The following CDK12 variants were observed in gnomAD, a reference collection of about 807,000 sequenced individuals.
CDK12 encodes the protein cyclin dependent kinase 12, also known as cyclin-dependent kinase 12.
Under a neutral mutation model 133.8 loss-of-function variants are expected in CDK12, and 17 were observed. The observed-to-expected ratio is 0.13, with a 90% CI of 0.09 to 0.19. The LOEUF (loss-of-function observed/expected upper bound fraction) is 0.19, where lower values mean the gene tolerates loss of function less well. Ranked by LOEUF, CDK12 falls within the 10% of genes least tolerant of loss-of-function variation. The pLI is 1.00. For synonymous variants in CDK12, 694 were observed against 683.6 expected, an observed-to-expected ratio of 1.02 and a Z score of -0.24; for missense variants, 1,508 against 1,818.7, an observed-to-expected ratio of 0.83 and a Z score of 3.11.
At position 39,462,680 on chromosome 17, in the gene CDK12, A is replaced by G. The variant is rs764139189; in HGVS notation, c.609A>G (p.Lys203=). Residue 203 remains lysine, a synonymous_variant, in exon 1 of 14, where the codon AAA becomes AAG. Transcript: ENST00000447079. ...GHKDRSKSHR[K]RETPKSYKTV... The stretch of plus-strand genomic sequence containing the variant: ...AAGACCGGAGTAAAAGTCATCGAAA[A>G]AGGGAAACACCCAAAAGTTACAAAA... 8.7e-6 allele frequency: 14 copies of G among 1,614,192 alleles called. No homozygotes were observed. In the South Asian group the frequency reaches 1.5e-4, roughly 18 times the overall value.
intron 3 of CDK12, among the ~76,000 whole-genome samples, chr17:39,562,883 TTTTTTTTC>T (rs1185382484): frequency 1.1e-4 from 7 of 64,182 alleles, no homozygotes; most frequent in Non-Finnish European, 2.9e-4. Flanking sequence ...CTCTTCTCCT[TTTTTTTTC>T]TTTTTCTTTT....
At chr17:39,495,794 CAAAA>C (rs372235295) in intron 5 of CDK12, among the ~76,000 whole-genome samples, 3 of 74,580 alleles carry the variant, frequency 4.0e-5, no homozygotes, top group Admixed American at 1.5e-4. Flanking sequence ...GACTCCGCCT[CAAAA>C]AAAAAAAAAA....
chr17:39,471,907 C>T (rs2145217542), intron 2 of CDK12, 144 bp downstream of exon 2: 3 of 731,594 alleles, frequency 4.1e-6, no homozygotes, highest in African/African-American at 1.8e-5. Context: ...GTAATTATGA[C>T]ATTATTACTT....
At chr17:39,509,061 A>G (rs2053318473) in intron 6 of CDK12, among the ~76,000 whole-genome samples, 1 of 151,936 alleles carries the variant, frequency 6.6e-6, no homozygotes, top group African/African-American at 2.4e-5. Context: ...GTGATTCTCA[A>G]AGCCTGATTC....
rs1555553398 is a variant in CDK12, at chr17:39,476,711, C to CATT, written c.1931+4948_1931+4949insATT. Among the ~76,000 whole-genome samples the CATT allele has an allele frequency of 7.5e-3, 635 of 84,524 alleles. 113 individuals carry two copies. The highest frequency in any genetic ancestry group is 0.026 in the African/African-American group (463 of 17,562). 55.5% of individuals were successfully genotyped at this position (84,524 alleles called of 152,430 possible). On this transcript the variant is annotated intron_variant, in intron 2 of 13. Coordinates refer to ENST00000447079, the MANE Select transcript of CDK12 (RefSeq NM_016507.4). ...TACAGGCATGAGCCACCATGCCTGC[C>CATT]TTTTTTTTTTTTTTTTTTTTTTTTT...
chr17:39,494,458 AT>A (rs2054081186), intron 4 of CDK12, 65 bp from the exon 5 acceptor site: 13 of 1,351,114 alleles, frequency 9.6e-6, no homozygotes, highest in Non-Finnish European at 1.3e-5. Context: ...AAGGGCATAT[AT>A]TGCTGGTTCA....
At chr17:39,471,829 C>A in intron 2 of CDK12, 66 bp downstream of exon 2, 1 of 1,356,950 alleles carries the variant, frequency 7.4e-7, no homozygotes, top group Non-Finnish European at 1.0e-6. Context: ...CTGTTTTAAT[C>A]TTTGTCAACA....
intron 6 of CDK12, among the ~76,000 whole-genome samples, chr17:39,504,484 G>T (rs2052951456): frequency 6.6e-6 from 1 of 152,166 alleles, no homozygotes; most frequent in African/African-American, 2.4e-5. Flanking sequence ...GTGATAATTA[G>T]TGTGGAGTAA....
chr17:39,517,340 C>T (rs2053876906), intron 9 of CDK12, 100 bp from the exon 10 acceptor site: 1 of 707,578 alleles, frequency 1.4e-6, no homozygotes, highest in African/African-American at 1.8e-5. Context: ...ACCAAAGATT[C>T]CCCAGACCTC....
chr17:39,486,832 C>A (rs1173982028), intron 2 of CDK12, among the ~76,000 whole-genome samples: 2 of 151,940 alleles, frequency 1.3e-5, no homozygotes, highest in Non-Finnish European at 2.9e-5. Flanking sequence ...TATGGTGAAA[C>A]CCCATCTCTA....
chr17:39,463,135 C>T lies in CDK12; in HGVS notation c.1046+18C>T, dbSNP rs2049065110. ...CTCCCCAGGTGAGCTATTTGTCTAA[C>T]AGTCCTTCCTCATTTAGGGTGGGTT... On this transcript the variant is annotated intron_variant, in intron 1 of 13. Transcript: ENST00000447079. The T allele has an allele frequency of 1.9e-6, 3 of 1,605,054 alleles. No homozygotes were observed. Among genetic ancestry groups the T allele is most frequent in the Non-Finnish European group, 2.6e-6 (3 of 1,173,876 alleles).
Position 39,470,868 on chromosome 17 carries a change from T to A in CDK12, c.1047-11T>A. On this transcript the variant is annotated splice_polypyrimidine_tract_variant and intron_variant, in intron 1 of 13. Coordinates refer to ENST00000447079, the MANE Select transcript of CDK12 (RefSeq NM_016507.4). The stretch of plus-strand genomic sequence containing the variant: ...GTCCATTCATTTAAAACTGGCTTTT[T>A]ATTTTTCCAGTAGGAAATCCATGAA... The A allele has an allele frequency of 1.3e-6, 2 of 1,586,246 alleles. No individual in the cohort carries two copies. The highest frequency in any genetic ancestry group is 2.3e-5 in the South Asian group (2 of 86,236).
chr17:39,510,481 T>C (rs1166977912), intron 7 of CDK12, among the ~76,000 whole-genome samples: 1 of 152,068 alleles, frequency 6.6e-6, no homozygotes, highest in Non-Finnish European at 1.5e-5. Context: ...ACTGTCAGAG[T>C]TCCCTAATTA....
chr17:39,480,976 G>A (rs1342178466), intron 2 of CDK12, among the ~76,000 whole-genome samples: 2 of 152,200 alleles, frequency 1.3e-5, no homozygotes, highest in South Asian at 2.1e-4. Context: ...TTAACCAGCC[G>A]GGAGTGGTGG....
chr17:39,526,486 T>C (rs1190286913), intron 13 of CDK12, among the ~76,000 whole-genome samples, 170 bp downstream of exon 13: 3 of 152,246 alleles, frequency 2.0e-5, no homozygotes, highest in Non-Finnish European at 2.9e-5. Context: ...TTGGCTTCTT[T>C]TATTTAAGTC....
rs2146827323 is a variant in CDK12, at chr17:39,530,639, C to G, written c.3796C>G (p.Pro1266Ala). ...PPHILPPEKR[P>A]PEPPGPPPPP... ...TCACATTCTTCCACCAGAGAAGAGG[C>G]CCCCTGAGCCCCCCGGACCTCCACC... is the stretch of plus-strand genomic sequence containing the variant. The change falls in exon 14 of 14, where the codon CCC becomes GCC. Residue 1266 changes from proline to alanine, a missense_variant. Transcript: ENST00000447079. 1 of 1,604,738 alleles carries G rather than the reference C, an allele frequency of 6.2e-7. No individual in the cohort carries two copies. Among genetic ancestry groups the G allele is most frequent in the Non-Finnish European group, 8.5e-7 (1 of 1,174,196 alleles).
chr17:39,530,841 G>A lies in CDK12; in HGVS notation c.3998G>A (p.Arg1333His), dbSNP rs567586451. The A allele has an allele frequency of 2.9e-5, 47 of 1,614,164 alleles. 1 individual carries two copies. The highest frequency in any genetic ancestry group is 1.6e-4 in the Middle Eastern group (1 of 6,062). ...LRPMEYSTRPRPNRTYGNTDG... is the reference protein window; with the variant it reads ...LRPMEYSTRPHPNRTYGNTDG... ...CCAATGGAGTACTCCACCCGACCCC[G>A]TCCAAACAGGACTTATGGAAACACT... The change falls in exon 14 of 14, where the codon CGT becomes CAT. Residue 1333 changes from arginine to histidine, a missense_variant. Transcript: ENST00000447079.
chr17:39,497,369 C>T (rs2052209281), intron 5 of CDK12, among the ~76,000 whole-genome samples: 1 of 151,926 alleles, frequency 6.6e-6, no homozygotes, highest in Non-Finnish European at 1.5e-5. Flanking sequence ...CATGGTGAAA[C>T]CCCTCTCTAC....
chr17:39,560,384 C>T (rs2144563086), intron 3 of CDK12, among the ~76,000 whole-genome samples: 1 of 152,282 alleles, frequency 6.6e-6, no homozygotes, highest in Middle Eastern at 3.4e-3. Context: ...GCTCATTTCA[C>T]TTGTTTGCTG....
Sources: gnomAD v4.1 joint callset for allele counts (sites outside exome capture counted in the v4.1 genomes callset) on GRCh38, gnomAD v4.1.1 for gene constraint, MANE v1.5 for transcripts, NCBI Gene and HGNC (gene_info 2026-07-23, HGNC 2026-07-21) for gene names.